Variants in MEIS2 observed in about 807,000 individuals in gnomAD.
The protein encoded by MEIS2 is Meis homeobox 2.
MEIS2 carries 9 observed loss-of-function variants against 58.6 expected under a neutral mutation model. The ratio of observed to expected loss-of-function variants is 0.15; its 90% CI spans 0.09 to 0.27. The LOEUF (loss-of-function observed/expected upper bound fraction) is 0.27, where lower values mean the gene tolerates loss of function less well. MEIS2 is among the 10% of genes least tolerant of loss of function. MEIS2 has a pLI of 1.00. For missense variants in MEIS2, 427 were observed against 635.0 expected (o/e 0.67, Z 3.52); for synonymous variants, 221 against 228.4 (o/e 0.97, Z 0.29).
intron 3 of MEIS2, 107 bp downstream of exon 3, chr15:37,096,182 G>A (rs1192026608): frequency 2.4e-6 from 3 of 1,268,362 alleles, no homozygotes; most frequent in African/African-American, 3.0e-5. Flanking sequence ...TGGGCCAGAG[G>A]AACAGATAGG....
intron 9 of MEIS2, among the ~76,000 whole-genome samples, chr15:36,936,886 A>G (rs1300915944): frequency 6.6e-6 from 1 of 152,250 alleles, no homozygotes; most frequent in Admixed American, 6.5e-5. Context: ...CAAACTCATT[A>G]AAAAGCATTT....
At chr15:36,953,769 A>G (rs2058849576) in intron 8 of MEIS2, among the ~76,000 whole-genome samples, 1 of 152,200 alleles carries the variant, frequency 6.6e-6, no homozygotes, top group Non-Finnish European at 1.5e-5. Context: ...TGTAATTACC[A>G]TTCTTCTAAG....
chr15:37,070,711 TC>T (rs1890584663), intron 7 of MEIS2, among the ~76,000 whole-genome samples: 1 of 152,114 alleles, frequency 6.6e-6, no homozygotes, highest in African/African-American at 2.4e-5. Flanking sequence ...TGTTAAGTCA[TC>T]CCTAGGTGTT....
At chr15:36,963,379 C>CAA (rs60924393) in intron 8 of MEIS2, among the ~76,000 whole-genome samples, 1 of 121,918 alleles carries the variant, frequency 8.2e-6, no homozygotes. Flanking sequence ...GACTCCATCT[C>CAA]AAAAAAAAAA....
At position 37,095,602 on chromosome 15, in the gene MEIS2, T is replaced by C. The variant is rs200496429; in HGVS notation, c.400A>G (p.Lys134Glu). 1.2e-6 allele frequency: 2 copies of C among 1,614,152 alleles called. No homozygotes were observed. The highest frequency in any genetic ancestry group is 1.7e-6 in the Non-Finnish European group (2 of 1,180,036). The change falls in exon 4 of 12, where the codon AAG becomes GAG. Residue 134 changes from lysine (K) to glutamate (E), a missense_variant. By Grantham distance (56) the Lys-to-Glu change is moderately conservative. This residue lies in a region of MEIS2 where 138 missense variants were observed against 263.0 expected (regional missense o/e 0.52). Transcript: ENST00000561208. ...TCTGGATTTGAGGAAAAAAGTGGCTTTTCGGCGCGAACCTGTAAGAAACAG... is the reference window on the plus strand; with the variant it reads ...TCTGGATTTGAGGAAAAAAGTGGCTCTTCGGCGCGAACCTGTAAGAAACAG... ...AVFAKQVRAE[K>E]PLFSSNPELD...
At chr15:37,094,624 G>GCCT in intron 4 of MEIS2, 47 bp from the exon 5 acceptor site, 1 of 1,572,710 alleles carries the variant, frequency 6.4e-7, no homozygotes, top group South Asian at 1.1e-5. Context: ...GTGACTCTGA[G>GCCT]GTCCTGTCTT....
intron 9 of MEIS2, among the ~76,000 whole-genome samples, chr15:36,945,169 C>G (rs149404660): frequency 1.3e-5 from 2 of 152,106 alleles, no homozygotes; most frequent in East Asian, 3.9e-4. Context: ...CTTGGAGATT[C>G]ACTGACCAAG....
At chr15:37,029,564 G>T (rs1243054709) in intron 8 of MEIS2, among the ~76,000 whole-genome samples, 1 of 152,090 alleles carries the variant, frequency 6.6e-6, no homozygotes, top group Non-Finnish European at 1.5e-5. Flanking sequence ...GGAGAAATTG[G>T]GGGTGCAGGA....
rs757192671 is a variant in MEIS2, at chr15:37,098,195, T to A, written c.17A>T (p.Asp6Val). The change falls in exon 2 of 12, where the codon GAT becomes GTT. Residue 6 changes from aspartate to valine, a missense_variant. Physicochemically the swap from Asp to Val is radical, Grantham distance 152. This residue lies in a region of MEIS2 where 103 missense variants were observed against 111.8 expected (regional missense o/e 0.92). Transcript: ENST00000561208. ...CATCCCGCCGTAATGGGGCAGCTCATCGTACTGTCAGAACCCGGGAAGGGG... is the reference window on the plus strand; with the variant it reads ...CATCCCGCCGTAATGGGGCAGCTCAACGTACTGTCAGAACCCGGGAAGGGG... Reference protein sequence around the residue: MAQRYDELPHYGGMDG... With the variant: MAQRYVELPHYGGMDG... The A allele has an allele frequency of 6.3e-7, 1 of 1,597,026 alleles. No homozygotes were observed. The highest frequency in any genetic ancestry group is 8.5e-7 in the Non-Finnish European group (1 of 1,169,926).
chr15:36,900,094 C>T (rs1268611625), intron 9 of MEIS2, among the ~76,000 whole-genome samples: 1 of 152,134 alleles, frequency 6.6e-6, no homozygotes, highest in East Asian at 1.9e-4. Context: ...AGAATGATTT[C>T]GAAGTTGCAG....
At chr15:37,090,154 C>T (rs1157022334) in intron 6 of MEIS2, among the ~76,000 whole-genome samples, 2 of 151,832 alleles carry the variant, frequency 1.3e-5, no homozygotes, top group Non-Finnish European at 2.9e-5. Flanking sequence ...ATAGCTCTTT[C>T]CTACCTATAA....
At chr15:36,969,175 A>C (rs911911403) in intron 8 of MEIS2, among the ~76,000 whole-genome samples, 2 of 152,202 alleles carry the variant, frequency 1.3e-5, no homozygotes, top group Middle Eastern at 3.2e-3. Context: ...AACTGCATTT[A>C]ATTATCTGAA....
At chr15:37,033,435 T>C (rs754213826) in intron 8 of MEIS2, among the ~76,000 whole-genome samples, 4 of 152,048 alleles carry the variant, frequency 2.6e-5, no homozygotes, top group African/African-American at 7.2e-5. Context: ...AATGAGATAA[T>C]TCAATTAGCT....
intron 1 of MEIS2, chr15:37,099,012 C>T: frequency 1.0e-6 from 1 of 983,412 alleles, no homozygotes; most frequent in Non-Finnish European, 1.2e-6. Context: ...GCAGCGCGGC[C>T]CCAGCGGCGG....
At chr15:37,014,795 C>A (rs2061287172) in intron 8 of MEIS2, among the ~76,000 whole-genome samples, 2 of 151,648 alleles carry the variant, frequency 1.3e-5, no homozygotes, top group South Asian at 4.2e-4. Flanking sequence ...CCTTAGGGGG[C>A]ATTCCTCAAC....
chr15:37,060,518 T>A (rs1889063366), intron 7 of MEIS2, among the ~76,000 whole-genome samples: 1 of 152,084 alleles, frequency 6.6e-6, no homozygotes, highest in African/African-American at 2.4e-5. Flanking sequence ...CAGTTTAGTA[T>A]CTGTAACCCC....
intron 8 of MEIS2, among the ~76,000 whole-genome samples, chr15:36,963,564 A>G (rs1194418843): frequency 2.6e-5 from 4 of 151,746 alleles, no homozygotes; most frequent in East Asian, 3.9e-4. Context: ...GAAATTAAGG[A>G]AGAAATGCAT....
intron 7 of MEIS2, among the ~76,000 whole-genome samples, chr15:37,082,766 T>C (rs1892401055): frequency 6.6e-6 from 1 of 152,146 alleles, no homozygotes; most frequent in African/African-American, 2.4e-5. Context: ...TAGACTCTTC[T>C]AGAACCTCAG....
intron 8 of MEIS2, among the ~76,000 whole-genome samples, chr15:36,984,802 A>T (rs369805639): frequency 1.3e-5 from 2 of 152,032 alleles, no homozygotes; most frequent in Non-Finnish European, 2.9e-5. Flanking sequence ...CTACCTCTTC[A>T]TGGTTCACTC....
Sources: allele counts gnomAD v4.1 joint callset (sites outside exome capture counted in the v4.1 genomes callset), GRCh38; gene constraint gnomAD v4.1.1; regional missense constraint gnomAD v4.1.1; transcripts MANE v1.5; gene names NCBI Gene and HGNC (gene_info 2026-07-23, HGNC 2026-07-21).